KATNAL2: variants seen among roughly 807,000 people sequenced by gnomAD.
KATNAL2 encodes the protein katanin catalytic subunit A1 like 2, also known as katanin p60 ATPase-containing subunit A-like 2.
KATNAL2 carries 52 observed loss-of-function variants against 76.3 expected under a neutral mutation model. That is an observed-to-expected ratio of 0.68 (90% CI 0.55 to 0.86). The LOEUF (loss-of-function observed/expected upper bound fraction) is 0.86. Ranked by LOEUF, KATNAL2 falls within the 40% of genes least tolerant of loss-of-function variation. The probability of loss-of-function intolerance (pLI) is 0.00; values close to 1 mark genes in which losing one functional copy is unlikely to be tolerated. For synonymous variants in KATNAL2, 243 were observed against 244.2 expected, an observed-to-expected ratio of 1.00 and a Z score of 0.05; for missense variants, 660 against 668.9, an observed-to-expected ratio of 0.99 and a Z score of 0.15.
chr18:47,072,277 A>G (rs1380042910), intron 13 of KATNAL2, among the ~76,000 whole-genome samples: 1 of 151,828 alleles, frequency 6.6e-6, no homozygotes, highest in Admixed American at 6.6e-5. Flanking sequence ...TTTACTATAT[A>G]TTTTTAAAGT....
intron 3 of KATNAL2, among the ~76,000 whole-genome samples, chr18:47,025,502 AGTGTGTGTGTGTGTGTGTGTGTGT>A (rs139200050): frequency 6.9e-6 from 1 of 144,656 alleles, no homozygotes; most frequent in Non-Finnish European, 1.5e-5. Flanking sequence ...TCTCTCTCTC[AGTGTGTGTGTGTGTGTGTGTGTGT>A]GTGTGTGTGT....
intron 3 of KATNAL2, chr18:47,033,801 C>G (rs1440361995): frequency 1.1e-5 from 17 of 1,614,048 alleles, no homozygotes; most frequent in East Asian, 2.2e-5. Context: ...GTGCTTCTGG[C>G]TTTGCCTGGG....
intron 8 of KATNAL2, among the ~76,000 whole-genome samples, chr18:47,061,864 A>C (rs1031349862): frequency 8.1e-6 from 1 of 123,316 alleles, no homozygotes; most frequent in East Asian, 2.7e-4. Context: ...TATTATTATT[A>C]TTTTTTTTTT....
intron 15 of KATNAL2, among the ~76,000 whole-genome samples, chr18:47,097,623 T>C (rs2063305847): frequency 6.6e-6 from 1 of 152,212 alleles, no homozygotes; most frequent in Non-Finnish European, 1.5e-5. Flanking sequence ...CAGGCTGGCC[T>C]AGATTAAAAA....
At chr18:47,054,669 C>T in intron 6 of KATNAL2, 2 of 501,590 alleles carry the variant, frequency 4.0e-6, no homozygotes, top group Non-Finnish European at 7.1e-6. Context: ...GATGCTCTGT[C>T]TTTCCAGGCC....
intron 1 of KATNAL2, among the ~76,000 whole-genome samples, chr18:46,941,748 G>T (rs1293743598): frequency 6.6e-6 from 1 of 152,076 alleles, no homozygotes; most frequent in African/African-American, 2.4e-5. Context: ...ATCCTAAAAA[G>T]GCTCTGTTTA....
At chr18:47,044,589 T>C (rs1335910108) in intron 3 of KATNAL2, among the ~76,000 whole-genome samples, 2 of 149,676 alleles carry the variant, frequency 1.3e-5, no homozygotes, top group Non-Finnish European at 3.0e-5. Context: ...CAAAACCCTG[T>C]TTCTACTAAT....
chr18:47,075,518 G>A, intron 14 of KATNAL2, 150 bp downstream of exon 14: 1 of 468,370 alleles, frequency 2.1e-6, no homozygotes, highest in South Asian at 7.1e-5. Flanking sequence ...ACATGGAAAG[G>A]TCTTTAAATT....
rs1957608257 is a variant in KATNAL2 at position 47,032,691 on chromosome 18, C to G, written c.52-13766C>G. The G allele has an allele frequency of 1.7e-5, 7 of 423,456 alleles. No individual in the cohort carries two copies. The South Asian group carries it at 2.2e-4, about 13-fold the overall frequency. 26.2% of individuals were successfully genotyped at this position (423,456 alleles called of 1,614,324 possible). The stretch of plus-strand genomic sequence containing the variant: ...AAAAAAAAGAAAGGAAAAAGGAAAT[C>G]TCACATCTTTTTCCTTATTTATGAT... On this transcript the variant is annotated intron_variant, in intron 3 of 17. Coordinates refer to ENST00000683218, the MANE Select transcript of KATNAL2 (RefSeq NM_001387690.1).
intron 3 of KATNAL2, among the ~76,000 whole-genome samples, chr18:47,044,203 G>GA (rs911187853): frequency 2.7e-5 from 4 of 149,232 alleles, no homozygotes; most frequent in East Asian, 2.0e-4. Context: ...TAGCTGATGA[G>GA]AAAAAAAAAG....
At chr18:46,928,288 A>G (rs911430256) in intron 1 of KATNAL2, among the ~76,000 whole-genome samples, 4 of 151,954 alleles carry the variant, frequency 2.6e-5, no homozygotes, top group Non-Finnish European at 5.9e-5. Flanking sequence ...TCTGTTTGTT[A>G]GTTTTCCTTC....
chr18:47,073,938 C>T (rs1471364481), intron 13 of KATNAL2, among the ~76,000 whole-genome samples: 2 of 152,198 alleles, frequency 1.3e-5, no homozygotes, highest in Non-Finnish European at 2.9e-5. Flanking sequence ...TTTGGTCTAG[C>T]AGAGGCTCTT....
At chr18:47,084,753 G>C (rs548281106) in intron 15 of KATNAL2, among the ~76,000 whole-genome samples, 14 of 145,796 alleles carry the variant, frequency 9.6e-5, no homozygotes, top group Non-Finnish European at 1.5e-4. Context: ...GGAGGCTGAG[G>C]CAGGAAAATG....
At chr18:46,933,493 G>A (rs1022331937) in intron 1 of KATNAL2, among the ~76,000 whole-genome samples, 9 of 152,006 alleles carry the variant, frequency 5.9e-5, no homozygotes, top group African/African-American at 1.9e-4. Context: ...ATTGCAGTCT[G>A]GTTTTATACT....
intron 11 of KATNAL2, among the ~76,000 whole-genome samples, chr18:47,068,405 G>C (rs1308699772): frequency 1.3e-5 from 2 of 152,160 alleles, no homozygotes; most frequent in Non-Finnish European, 2.9e-5. Flanking sequence ...TTAAGGGTAA[G>C]AAATACACTA....
At chr18:46,952,166 G>A (rs1819616453) in intron 3 of KATNAL2, among the ~76,000 whole-genome samples, 1 of 151,538 alleles carries the variant, frequency 6.6e-6, no homozygotes, top group African/African-American at 2.4e-5. Flanking sequence ...TTGAATTCTT[G>A]GGCACAAATG....
At chr18:47,047,542 C>T (rs2061199300) in intron 4 of KATNAL2, among the ~76,000 whole-genome samples, 1 of 151,994 alleles carries the variant, frequency 6.6e-6, no homozygotes, top group Non-Finnish European at 1.5e-5. Context: ...GGCCACCTAC[C>T]TCATTAAAAA....
intron 14 of KATNAL2, among the ~76,000 whole-genome samples, chr18:47,076,891 A>T (rs1166820622): frequency 6.6e-6 from 1 of 151,534 alleles, no homozygotes; most frequent in Non-Finnish European, 1.5e-5. Flanking sequence ...TAGATCCTAA[A>T]AAAACATATA....
chr18:46,929,018 G>A (rs1044063303), intron 1 of KATNAL2, among the ~76,000 whole-genome samples: 3 of 151,936 alleles, frequency 2.0e-5, no homozygotes, highest in Admixed American at 6.6e-5. Context: ...GGCTGGTCTC[G>A]AACTCCTGAC....
Sources: allele counts gnomAD v4.1 joint callset (sites outside exome capture counted in the v4.1 genomes callset), GRCh38; gene constraint gnomAD v4.1.1; transcripts MANE v1.5; gene names NCBI Gene and HGNC (gene_info 2026-07-23, HGNC 2026-07-21).